ZNF213: variants seen among roughly 807,000 people sequenced by gnomAD.
ZNF213 encodes the protein putative transcription factor CR53.
ZNF213 carries 32 observed loss-of-function variants against 46.0 expected under a neutral mutation model. That is an observed-to-expected ratio of 0.70 (90% CI 0.52 to 0.93). The LOEUF is 0.93. ZNF213 is among the 40% of genes least tolerant of loss of function. The pLI is 0.00. For synonymous variants in ZNF213, 297 were observed against 271.0 expected (o/e 1.10, Z -0.94); for missense variants, 639 against 652.8 (o/e 0.98, Z 0.23).
intron 5 of ZNF213, 114 bp from the exon 6 acceptor site, chr16:3,140,575 A>T: frequency 7.2e-7 from 1 of 1,382,016 alleles, no homozygotes. Flanking sequence ...GTGTGAACCC[A>T]GGGCTTTCTG....
intron 1 of ZNF213, among the ~76,000 whole-genome samples, chr16:3,136,915 A>C (rs1226005818): frequency 1.3e-5 from 2 of 152,222 alleles, no homozygotes; most frequent in Non-Finnish European, 2.9e-5. Context: ...TGGTGCTGCC[A>C]AATGAATGAC....
chr16:3,135,842 C>CTTTTTTTTTTTTTTT (rs58418648), intron 1 of ZNF213, among the ~76,000 whole-genome samples: 8 of 132,280 alleles, frequency 6.0e-5, no homozygotes, highest in South Asian at 2.5e-4. Context: ...TCTTTTCTTT[C>CTTTTTTTTTTTTTTT]TTTTTTTTTT....
chr16:3,140,751 G>T lies in ZNF213; in HGVS notation c.784G>T (p.Gly262Cys), dbSNP rs745402919. ...LLQEMVPVVPGQTGSDVTVSW... is the reference protein window; with the variant it reads ...LLQEMVPVVPCQTGSDVTVSW... Reference sequence around the variant, plus strand: ...GCAGGAGATGGTGCCGGTGGTGCCAGGCCAGACAGGCAGCGACGTGACTGT... The same window carrying T: ...GCAGGAGATGGTGCCGGTGGTGCCATGCCAGACAGGCAGCGACGTGACTGT... Residue 262 changes from glycine to cysteine, a missense_variant, in exon 6 of 6, where the codon GGC becomes TGC. By Grantham distance (159) the Gly-to-Cys change is radical (BLOSUM62 -3). Coordinates refer to ENST00000396878, the MANE Select transcript of ZNF213 (RefSeq NM_004220.3). 2.6e-6 allele frequency: 4 copies of T among 1,554,296 alleles called. No individual in the cohort carries two copies. In the East Asian group the frequency reaches 9.2e-5, roughly 36 times the overall value.
intron 1 of ZNF213, among the ~76,000 whole-genome samples, chr16:3,135,882 A>C: frequency 7.5e-6 from 1 of 133,848 alleles, no homozygotes. Flanking sequence ...TCTGTTGCCC[A>C]GGCTGGAGTA....
rs957930521 is a variant in ZNF213, at chr16:3,142,260, G to A, written c.*913G>A. ...GCTCCACTCGGCGCCCCACTCCATC[G>A]GCCCCGCTCCATCGGCACTAATGCC... is the stretch of plus-strand genomic sequence containing the variant. On this transcript the variant is annotated 3_prime_UTR_variant, in exon 6 of 6. Transcript: ENST00000396878. 4 of 178,244 alleles carry A rather than the reference G, an allele frequency of 2.2e-5. No individual in the cohort carries two copies. The highest frequency in any genetic ancestry group is 2.6e-5 in the African/African-American group (1 of 38,318). 11.0% of individuals were successfully genotyped at this position (178,244 alleles called of 1,614,324 possible). A position where few individuals can be genotyped will look rare whatever the true frequency, so the allele number is the denominator to read the frequency against.
Position 3,137,499 on chromosome 16 carries a change from G to A in ZNF213, c.219G>A (p.Trp73Ter), listed in dbSNP as rs779031082. ...AGCTCTGGGAGCTCTGCTGCCGCTG[G>A]CTGCGGCCCGAGCTGCGTACCAAGG... ...FSQLWELCCR[W>*]LRPELRTKEQ... The change falls in exon 2 of 6, where the codon TGG (tryptophan) becomes TGA (stop). Residue 73 changes from tryptophan (W) to a stop codon, truncating the protein, a stop_gained. Transcript: ENST00000396878. LOFTEE classifies it high-confidence loss of function. 6.2e-7 allele frequency: 1 copy of A among 1,613,964 alleles called. No individual in the cohort carries two copies. The highest frequency in any genetic ancestry group is 2.2e-5 in the East Asian group (1 of 44,888).
chr16:3,141,384 C>G lies in ZNF213; in HGVS notation c.*37C>G. 1 of 1,517,500 alleles carries G rather than the reference C, an allele frequency of 6.6e-7. No homozygotes were observed. The highest frequency in any genetic ancestry group is 8.8e-7 in the Non-Finnish European group (1 of 1,138,614). 94.0% of individuals were successfully genotyped at this position (1,517,500 alleles called of 1,614,324 possible). ...GGCCGGAAACCCGGGGGAGGCCCAG[C>G]CACGGCACATCCTGCTTTGTTCACC... On this transcript the variant is annotated 3_prime_UTR_variant, in exon 6 of 6. Transcript: ENST00000396878.
Position 3,142,477 on chromosome 16 carries a change from G to A in ZNF213, c.*1130G>A, listed in dbSNP as rs1285923549. On this transcript the variant is annotated 3_prime_UTR_variant, in exon 6 of 6. Coordinates refer to ENST00000396878, the MANE Select transcript of ZNF213 (RefSeq NM_004220.3). ...CCGGCTCCATCGGCACTACCACCCC[G>A]CTCCATCATCACTATGTCCAGCTCC... 3 of 189,008 alleles carry A rather than the reference G, an allele frequency of 1.6e-5. No homozygotes were observed. Among genetic ancestry groups the A allele is most frequent in the South Asian group, 1.3e-4 (2 of 15,792 alleles). 11.7% of individuals were successfully genotyped at this position (189,008 alleles called of 1,614,324 possible).
rs143593956 is a variant in ZNF213 at position 3,140,470 on chromosome 16, G to A, written c.722-219G>A. ...ACTCCTAACCTCAGGTGATCAGCTC[G>A]CCTCAGCCTCCCAAAATGTTGGGAT... is the stretch of plus-strand genomic sequence containing the variant. On this transcript the variant is annotated intron_variant, in intron 5 of 5. Transcript: ENST00000396878. 6.7e-5 allele frequency: 38 copies of A among 566,408 alleles called. No individual in the cohort carries two copies. In the East Asian group the frequency reaches 1.0e-3, roughly 15 times the overall value. The allele number at this position is 566,408 out of a possible 1,614,324, so 35.1% of individuals were successfully genotyped here.
Position 3,141,417 on chromosome 16 carries a change from C to G in ZNF213, c.*70C>G. The G allele has an allele frequency of 6.8e-7, 1 of 1,470,512 alleles. No individual in the cohort carries two copies. The highest frequency in any genetic ancestry group is 9.0e-7 in the Non-Finnish European group (1 of 1,112,538). The allele number at this position is 1,470,512 out of a possible 1,614,324, so 91.1% of individuals were successfully genotyped here. A position where few individuals can be genotyped will look rare whatever the true frequency, so the allele number is the denominator to read the frequency against. On this transcript the variant is annotated 3_prime_UTR_variant, in exon 6 of 6. Coordinates refer to ENST00000396878, the MANE Select transcript of ZNF213 (RefSeq NM_004220.3). ...CATCCTGCTTTGTTCACCACTGGGA[C>G]TCTCCTTCCATCTGTGGCCACCTCC...
Position 3,141,219 on chromosome 16 carries a change from G to C in ZNF213, c.1252G>C (p.Asp418His), listed in dbSNP as rs748347640. 4.3e-6 allele frequency: 7 copies of C among 1,612,602 alleles called. No homozygotes were observed. The highest frequency in any genetic ancestry group is 5.9e-6 in the Non-Finnish European group (7 of 1,179,920). Residue 418 changes from aspartate to histidine, a missense_variant, in exon 6 of 6, where the codon GAC becomes CAC. Coordinates refer to ENST00000396878, the MANE Select transcript of ZNF213 (RefSeq NM_004220.3). The part of the protein sequence containing the change: ...KSFSLRSYLL[D>H]HRRVHTGERP... ...CTTCTCGCTGCGCTCCTACCTGCTG[G>C]ACCATCGGCGTGTGCACACCGGTGA... is the stretch of plus-strand genomic sequence containing the variant.
rs948407688 is a variant in ZNF213, at chr16:3,139,608, C to G, written c.721+510C>G. On this transcript the variant is annotated intron_variant, in intron 5 of 5. Transcript: ENST00000396878. ...GGGATCATCTTGTTCAGTCACACTCCCAGGAGGATGGGCTGCGACCTCTGT... is the reference window on the plus strand; with the variant it reads ...GGGATCATCTTGTTCAGTCACACTCGCAGGAGGATGGGCTGCGACCTCTGT... The G allele has an allele frequency of 2.5e-5, 4 of 159,470 alleles. No homozygotes were observed. The Admixed American group carries it at 2.6e-4, about 10-fold the overall frequency. The allele number at this position is 159,470 out of a possible 1,614,324, so 9.9% of individuals were successfully genotyped here.
chr16:3,136,985 A>G (rs1184322609), intron 1 of ZNF213, among the ~76,000 whole-genome samples, 181 bp from the exon 2 acceptor site: 1 of 152,090 alleles, frequency 6.6e-6, no homozygotes, highest in African/African-American at 2.4e-5. Context: ...TGGCTTTGGG[A>G]TGAGAGCTTG....
chr16:3,141,441 C>T lies in ZNF213; in HGVS notation c.*94C>T. Reference sequence around the variant, plus strand: ...ACTCTCCTTCCATCTGTGGCCACCTCCCGGGCTGTCCGAGGGACCCCAGGG... The same window carrying T: ...ACTCTCCTTCCATCTGTGGCCACCTTCCGGGCTGTCCGAGGGACCCCAGGG... On this transcript the variant is annotated 3_prime_UTR_variant, in exon 6 of 6. Transcript: ENST00000396878. The T allele has an allele frequency of 7.2e-7, 1 of 1,392,702 alleles. No individual in the cohort carries two copies. The highest frequency in any genetic ancestry group is 9.5e-7 in the Non-Finnish European group (1 of 1,056,248). The allele number at this position is 1,392,702 out of a possible 1,614,324, so 86.3% of individuals were successfully genotyped here.
intron 3 of ZNF213, 49 bp from the exon 4 acceptor site, chr16:3,138,696 G>A (rs368739229): frequency 1.2e-5 from 19 of 1,612,234 alleles, no homozygotes; most frequent in Admixed American, 3.3e-5. Context: ...CATAGGCGTC[G>A]GTGTCAAGCC....
Position 3,137,477 on chromosome 16 carries a change from T to C in ZNF213, c.197T>C (p.Leu66Pro). ...VHGPHEAFSQ[L>P]WELCCRWLRP... ...GGGCCTCATGAGGCCTTCAGCCAGC[T>C]CTGGGAGCTCTGCTGCCGCTGGCTG... Residue 66 changes from leucine (L) to proline (P), a missense_variant, in exon 2 of 6, where the codon CTC becomes CCC. By Grantham distance (98) the Leu-to-Pro change is moderately conservative. Coordinates refer to ENST00000396878, the MANE Select transcript of ZNF213 (RefSeq NM_004220.3). 6.2e-7 allele frequency: 1 copy of C among 1,613,918 alleles called. No homozygotes were observed. The highest frequency in any genetic ancestry group is 1.3e-5 in the African/African-American group (1 of 75,068).
chr16:3,138,228 G>C, intron 2 of ZNF213, 190 bp from the exon 3 acceptor site: 2 of 1,136,470 alleles, frequency 1.8e-6, no homozygotes, highest in Non-Finnish European at 2.5e-6. Flanking sequence ...AATGATCGGG[G>C]AGCATCCTTG....
rs1413504762 is a variant in ZNF213 at position 3,137,492 on chromosome 16, G to A, written c.212G>A (p.Cys71Tyr). 1.9e-6 allele frequency: 3 copies of A among 1,613,970 alleles called. No homozygotes were observed. Among genetic ancestry groups the A allele is most frequent in the South Asian group, 1.1e-5 (1 of 91,086 alleles). The change falls in exon 2 of 6, where the codon TGC (cysteine) becomes TAC (tyrosine). Residue 71 changes from cysteine to tyrosine, a missense_variant. Cys to Tyr is a radical substitution (Grantham distance 194, BLOSUM62 -2). Transcript: ENST00000396878. Reference protein sequence around the residue: ...EAFSQLWELCCRWLRPELRTK... With the variant: ...EAFSQLWELCYRWLRPELRTK... ...TTCAGCCAGCTCTGGGAGCTCTGCT[G>A]CCGCTGGCTGCGGCCCGAGCTGCGT... is the stretch of plus-strand genomic sequence containing the variant.
Position 3,137,332 on chromosome 16 carries a change from C to T in ZNF213, c.52C>T (p.Leu18Phe), listed in dbSNP as rs1312689244. ...CCAGGCCCCTGGGGAGGGAGAAGGG[C>T]TTCTGATTGTGAAAGTGGAAGATTC... ...QDQAPGEGEG[L>F]LIVKVEDSSW... Residue 18 changes from leucine to phenylalanine, a missense_variant, in exon 2 of 6, where the codon CTT (leucine) becomes TTT (phenylalanine). By Grantham distance (22) the Leu-to-Phe change is conservative. Coordinates refer to ENST00000396878, the MANE Select transcript of ZNF213 (RefSeq NM_004220.3). 6.2e-7 allele frequency: 1 copy of T among 1,612,610 alleles called. No individual in the cohort carries two copies. The highest frequency in any genetic ancestry group is 1.3e-5 in the African/African-American group (1 of 74,928).
Sources: allele counts gnomAD v4.1 joint callset (sites outside exome capture counted in the v4.1 genomes callset), GRCh38; gene constraint gnomAD v4.1.1; transcripts MANE v1.5; gene names NCBI Gene and HGNC (gene_info 2026-07-23, HGNC 2026-07-21).